Variants in BNC2 observed in about 807,000 individuals in gnomAD.
The protein encoded by BNC2 is zinc finger protein basonuclin-2.
Under a neutral mutation model 76.3 loss-of-function variants are expected in BNC2, and 20 were observed. The ratio of observed to expected loss-of-function variants is 0.26; its 90% CI spans 0.18 to 0.38. BNC2 has a LOEUF of 0.38. BNC2 is among the 10% of genes least tolerant of loss of function. The pLI is 1.00. For synonymous variants in BNC2, 582 were observed against 514.8 expected, an observed-to-expected ratio of 1.13 and a Z score of -1.77; for missense variants, 1,382 against 1,399.8, an observed-to-expected ratio of 0.99 and a Z score of 0.20.
chr9:16,508,158 T>C (rs1822673119), intron 5 of BNC2, among the ~76,000 whole-genome samples: 1 of 152,216 alleles, frequency 6.6e-6, no homozygotes. Context: ...CATTGCTTCT[T>C]TGTCCATAAT....
At chr9:16,680,105 T>C (rs989674544) in intron 3 of BNC2, among the ~76,000 whole-genome samples, 4 of 152,244 alleles carry the variant, frequency 2.6e-5, no homozygotes, top group Non-Finnish European at 5.9e-5. Context: ...TTATGTTCTA[T>C]CCTATTCAGT....
intron 1 of BNC2, among the ~76,000 whole-genome samples, chr9:16,860,945 C>G (rs1310747788): frequency 1.3e-5 from 2 of 151,678 alleles, no homozygotes; most frequent in Non-Finnish European, 2.9e-5. Flanking sequence ...ACTCGGGACG[C>G]TGAGGCAGGA....
chr9:16,755,880 T>G (rs1006946187), intron 1 of BNC2, among the ~76,000 whole-genome samples: 5 of 152,200 alleles, frequency 3.3e-5, no homozygotes, highest in African/African-American at 1.2e-4. Context: ...AGTGTTTCCT[T>G]GGAGACATTG....
intron 1 of BNC2, among the ~76,000 whole-genome samples, chr9:16,793,637 G>C (rs1209608805): frequency 7.4e-6 from 1 of 135,220 alleles, no homozygotes; most frequent in African/African-American, 2.7e-5. Context: ...AGGGGTACTT[G>C]CCTTCCACAT....
At chr9:16,497,744 T>C (rs529958649) in intron 5 of BNC2, among the ~76,000 whole-genome samples, 27 of 152,152 alleles carry the variant, frequency 1.8e-4, no homozygotes, top group Admixed American at 1.4e-3. Context: ...AGTAAAAAGG[T>C]TGGGCTAAAA....
intron 1 of BNC2, among the ~76,000 whole-genome samples, chr9:16,739,439 C>T (rs137915569): frequency 3.0e-4 from 45 of 152,310 alleles, no homozygotes; most frequent in African/African-American, 1.0e-3. Flanking sequence ...AAAGCCGAGG[C>T]GGGCAGATAA....
Position 16,453,480 on chromosome 9 carries a change from T to C in BNC2, c.670-15956A>G, listed in dbSNP as rs117965703. On this transcript the variant is annotated intron_variant, in intron 5 of 6. Coordinates refer to ENST00000380672, the MANE Select transcript of BNC2 (RefSeq NM_017637.6). Reference sequence around the variant, plus strand: ...AGAGTTTCATATACCTATCTCTTTATACCTATTCTCCCAAGCTTAGTAATG... The same window carrying C: ...AGAGTTTCATATACCTATCTCTTTACACCTATTCTCCCAAGCTTAGTAATG... Among the ~76,000 whole-genome samples, 76 of 152,322 alleles carry C rather than the reference T, an allele frequency of 5.0e-4. 1 individual carries two copies. In the East Asian group the frequency reaches 8.3e-3, roughly 17 times the overall value.
At chr9:16,626,392 A>G (rs1042692356) in intron 3 of BNC2, 4 of 152,188 alleles carry the variant, frequency 2.6e-5, no homozygotes, top group Non-Finnish European at 4.4e-5. Flanking sequence ...TAAAAGTCGA[A>G]GTGTTTTTTC....
chr9:16,848,058 A>G (rs1237632407), intron 1 of BNC2, among the ~76,000 whole-genome samples: 1 of 152,234 alleles, frequency 6.6e-6, no homozygotes, highest in Non-Finnish European at 1.5e-5. Flanking sequence ...AAACACAACA[A>G]AATTCAAACT....
chr9:16,788,348 T>C (rs571536342), intron 1 of BNC2, among the ~76,000 whole-genome samples: 2 of 151,568 alleles, frequency 1.3e-5, no homozygotes, highest in East Asian at 2.0e-4. Flanking sequence ...AGTCAGGAGA[T>C]CGAGACCATC....
Position 16,418,691 on chromosome 9 carries a change from T to C in BNC2, c.*298A>G, listed in dbSNP as rs570003870. ...GTGTGTGTGTGTGTGTGTGTGTGTGTATGTGCATGTGTGTGTGTGTGTGTT... is the reference window on the plus strand; with the variant it reads ...GTGTGTGTGTGTGTGTGTGTGTGTGCATGTGCATGTGTGTGTGTGTGTGTT... On this transcript the variant is annotated 3_prime_UTR_variant, in exon 7 of 7. Transcript: ENST00000380672. The C allele has an allele frequency of 8.6e-3, 2,962 of 344,772 alleles. 63 individuals carry two copies. The highest frequency in any genetic ancestry group is 0.054 in the African/African-American group (2,250 of 41,904). 21.4% of individuals were successfully genotyped at this position (344,772 alleles called of 1,614,324 possible).
chr9:16,855,794 T>G (rs1429441357), intron 1 of BNC2, among the ~76,000 whole-genome samples: 1 of 152,018 alleles, frequency 6.6e-6, no homozygotes, highest in East Asian at 1.9e-4. Flanking sequence ...ATGATCTGCC[T>G]GCCTCGGCCT....
chr9:16,566,575 AACAGG>A (rs531739726), intron 4 of BNC2, among the ~76,000 whole-genome samples: 62 of 152,278 alleles, frequency 4.1e-4, no homozygotes, highest in South Asian at 3.9e-3. Context: ...TTAGTAGAAA[AACAGG>A]ATAGAAGTCT....
intron 5 of BNC2, among the ~76,000 whole-genome samples, chr9:16,512,551 C>T (rs1587116838): frequency 6.6e-6 from 1 of 152,052 alleles, no homozygotes; most frequent in African/African-American, 2.4e-5. Flanking sequence ...ACCAACTGAA[C>T]TAACTTGTTG....
At chr9:16,478,130 G>A (rs1396020700) in intron 5 of BNC2, among the ~76,000 whole-genome samples, 1 of 152,034 alleles carries the variant, frequency 6.6e-6, no homozygotes. Flanking sequence ...CCTTCCACTG[G>A]GCTGAAATCT....
chr9:16,823,989 T>A (rs1818398634), intron 1 of BNC2, among the ~76,000 whole-genome samples: 1 of 152,244 alleles, frequency 6.6e-6, no homozygotes, highest in African/African-American at 2.4e-5. Context: ...GATTAATGAA[T>A]ACATTTTGTA....
intron 1 of BNC2, among the ~76,000 whole-genome samples, chr9:16,758,963 C>T (rs913882726): frequency 4.6e-5 from 7 of 152,074 alleles, no homozygotes; most frequent in African/African-American, 1.2e-4. Flanking sequence ...AAGTATTCTA[C>T]GGTCAAAGTT....
At chr9:16,502,906 T>C (rs918789820) in intron 5 of BNC2, among the ~76,000 whole-genome samples, 1 of 152,112 alleles carries the variant, frequency 6.6e-6, no homozygotes, top group African/African-American at 2.4e-5. Flanking sequence ...TGTGGCCTCA[T>C]GAAGTACCTA....
At chr9:16,430,861 C>A (rs181364390) in intron 6 of BNC2, among the ~76,000 whole-genome samples, 4 of 152,286 alleles carry the variant, frequency 2.6e-5, no homozygotes, top group African/African-American at 9.6e-5. Flanking sequence ...AACTAGCAAT[C>A]GAATGGAAGG....
Sources: allele counts gnomAD v4.1 joint callset (sites outside exome capture counted in the v4.1 genomes callset), GRCh38; gene constraint gnomAD v4.1.1; transcripts MANE v1.5; gene names NCBI Gene and HGNC (gene_info 2026-07-23, HGNC 2026-07-21).